KCNT2: variants seen among roughly 807,000 people sequenced by gnomAD.
KCNT2 encodes potassium channel subfamily T member 2.
A neutral mutation model predicts 153.8 loss-of-function variants in KCNT2; 67 were observed. The ratio of observed to expected loss-of-function variants is 0.44; its 90% CI spans 0.36 to 0.53. The LOEUF (loss-of-function observed/expected upper bound fraction) is 0.53, where lower values mean the gene tolerates loss of function less well. Among genes scored for constraint, KCNT2 ranks in the 20% least tolerant of loss-of-function variants. The probability of loss-of-function intolerance (pLI) is 0.00; values close to 1 mark genes in which losing one functional copy is unlikely to be tolerated. For missense variants in KCNT2, 975 were observed against 1,354.8 expected (o/e 0.72, Z 4.40); for synonymous variants, 500 against 458.8 (o/e 1.09, Z -1.15).
intron 1 of KCNT2, among the ~76,000 whole-genome samples, chr1:196,552,200 AAC>A (rs964569251): frequency 2.6e-5 from 4 of 151,498 alleles, no homozygotes; most frequent in African/African-American, 9.7e-5. Flanking sequence ...AATAATAAAC[AAC>A]AGTCTAATTA....
chr1:196,256,790 G>A (rs1656554398), intron 26 of KCNT2, among the ~76,000 whole-genome samples: 1 of 151,250 alleles, frequency 6.6e-6, no homozygotes, highest in Non-Finnish European at 1.5e-5. Context: ...TTGAACCAAA[G>A]CAATTCCATC....
At chr1:196,356,732 T>A (rs979741659) in intron 14 of KCNT2, among the ~76,000 whole-genome samples, 3 of 151,872 alleles carry the variant, frequency 2.0e-5, no homozygotes, top group African/African-American at 7.2e-5. Context: ...TTTTTCAATG[T>A]TCTGACTCTA....
intron 19 of KCNT2, among the ~76,000 whole-genome samples, chr1:196,325,037 A>T (rs1196997093): frequency 6.6e-6 from 1 of 152,224 alleles, no homozygotes; most frequent in South Asian, 2.1e-4. Flanking sequence ...ATGGAGACTT[A>T]GAGATTTGAA....
chr1:196,329,862 T>C (rs1417991660), intron 18 of KCNT2, among the ~76,000 whole-genome samples: 3 of 137,100 alleles, frequency 2.2e-5, no homozygotes, highest in Admixed American at 7.3e-5. Context: ...TGTATATATG[T>C]GTATATATAC....
chr1:196,468,728 A>G (rs566338347), intron 6 of KCNT2, among the ~76,000 whole-genome samples: 5 of 152,212 alleles, frequency 3.3e-5, no homozygotes, highest in African/African-American at 1.2e-4. Flanking sequence ...TAGTAATTTT[A>G]AACAACAATG....
At chr1:196,519,511 AT>A (rs138144832) in intron 1 of KCNT2, among the ~76,000 whole-genome samples, 3,196 of 152,080 alleles carry the variant, frequency 0.021, 123 homozygotes, top group African/African-American at 0.073. Context: ...CTGGGGGTTA[AT>A]TTTTTTAAAA....
intron 1 of KCNT2, among the ~76,000 whole-genome samples, chr1:196,556,478 T>A (rs1166087808): frequency 6.6e-6 from 1 of 151,416 alleles, no homozygotes. Context: ...AAATGGCTTT[T>A]TTCCAAAAGT....
chr1:196,440,761 A>G (rs1034349003), intron 8 of KCNT2, among the ~76,000 whole-genome samples: 1 of 151,854 alleles, frequency 6.6e-6, no homozygotes, highest in African/African-American at 2.4e-5. Context: ...CATTTAAAAA[A>G]TTCTCCATCT....
chr1:196,551,856 A>T (rs1258992824), intron 1 of KCNT2, among the ~76,000 whole-genome samples: 2 of 151,572 alleles, frequency 1.3e-5, no homozygotes, highest in Non-Finnish European at 3.0e-5. Flanking sequence ...TTCCCCTTTT[A>T]TAATGAAAAG....
intron 26 of KCNT2, among the ~76,000 whole-genome samples, chr1:196,244,744 T>C (rs1655274006): frequency 6.6e-6 from 1 of 152,136 alleles, no homozygotes; most frequent in South Asian, 2.1e-4. Flanking sequence ...CTGAATGGCA[T>C]CTCTGGACTT....
At position 196,373,177 on chromosome 1, in the gene KCNT2, T is replaced by G. The variant is rs1336789226; in HGVS notation, c.1366A>C (p.Thr456Pro). 6.3e-7 allele frequency: 1 copy of G among 1,582,686 alleles called. No homozygotes were observed. Among genetic ancestry groups the G allele is most frequent in the Non-Finnish European group, 8.7e-7 (1 of 1,152,334 alleles). The part of the protein sequence containing the change: ...ALNCICPATS[T>P]LITLLVHTSR... ...GTATGAACCAGTAGTGTAATAAGTG[T>G]AGATGTTGCTGGGCATATACAGTTT... Residue 456 changes from threonine to proline, a missense_variant, in exon 14 of 28, where the codon ACA becomes CCA. Thr to Pro is a conservative substitution (Grantham distance 38, BLOSUM62 -1). Transcript: ENST00000294725.
chr1:196,362,426 C>T (rs1013281741), intron 14 of KCNT2, among the ~76,000 whole-genome samples: 3 of 152,050 alleles, frequency 2.0e-5, no homozygotes, highest in Admixed American at 2.0e-4. Context: ...CAAGGAAGAT[C>T]TCATGGCTAA....
At chr1:196,281,820 G>A (rs1017108800) in intron 24 of KCNT2, among the ~76,000 whole-genome samples, 15 of 150,806 alleles carry the variant, frequency 9.9e-5, no homozygotes, top group Non-Finnish European at 3.0e-5. Context: ...GCAGTGGCGC[G>A]ATCTCGGCTC....
rs371184723 is a variant in KCNT2, at chr1:196,428,278, T to C, written c.820-9A>G. Reference sequence around the variant, plus strand: ...TAAGCCAGCTGTTCAAACTGTAATATATTTTCCACATGTGAATGAAAAACA... The same window carrying C: ...TAAGCCAGCTGTTCAAACTGTAATACATTTTCCACATGTGAATGAAAAACA... On this transcript the variant is annotated splice_polypyrimidine_tract_variant and intron_variant, in intron 9 of 27. Transcript: ENST00000294725. 8.7e-6 allele frequency: 14 copies of C among 1,604,150 alleles called. No homozygotes were observed. The Admixed American group carries it at 1.5e-4, about 17-fold the overall frequency.
At chr1:196,302,346 G>GATTTACCATATCATTCATGGAAC (rs1661261316) in intron 22 of KCNT2, among the ~76,000 whole-genome samples, 1 of 152,004 alleles carries the variant, frequency 6.6e-6, no homozygotes, top group Non-Finnish European at 1.5e-5. Flanking sequence ...TTGATTGGAA[G>GATTTACCATATCATTCATGGAAC]ATTTACCATA....
At chr1:196,557,014 T>C (rs948491647) in intron 1 of KCNT2, among the ~76,000 whole-genome samples, 13 of 151,038 alleles carry the variant, frequency 8.6e-5, no homozygotes, top group Admixed American at 1.3e-4. Context: ...AGGGTGGAAG[T>C]AGGGATGATT....
At chr1:196,411,978 C>A (rs1672378142) in intron 12 of KCNT2, among the ~76,000 whole-genome samples, 1 of 151,724 alleles carries the variant, frequency 6.6e-6, no homozygotes, top group Non-Finnish European at 1.5e-5. Context: ...GTGTTTATCA[C>A]AGTTATTTAT....
intron 1 of KCNT2, among the ~76,000 whole-genome samples, chr1:196,492,588 A>C (rs1205716948): frequency 6.6e-6 from 1 of 152,172 alleles, no homozygotes; most frequent in African/African-American, 2.4e-5. Context: ...GAATCATTTT[A>C]AATATTATAC....
intron 5 of KCNT2, among the ~76,000 whole-genome samples, chr1:196,472,167 G>A (rs901868497): frequency 6.6e-6 from 1 of 151,936 alleles, no homozygotes; most frequent in African/African-American, 2.4e-5. Context: ...TGCTTGTTGG[G>A]GCTCAATTAA....
Sources: gnomAD v4.1 joint callset for allele counts (sites outside exome capture counted in the v4.1 genomes callset) on GRCh38, gnomAD v4.1.1 for gene constraint, MANE v1.5 for transcripts, NCBI Gene and HGNC (gene_info 2026-07-23, HGNC 2026-07-21) for gene names.